Variants in IFT20 observed in about 807,000 individuals in gnomAD.
IFT20 encodes the protein intraflagellar transport 20.
Under a neutral mutation model 16.9 loss-of-function variants are expected in IFT20, and 4 were observed. The observed-to-expected ratio is 0.24, with a 90% CI of 0.12 to 0.54. The LOEUF (loss-of-function observed/expected upper bound fraction) is 0.54, where lower values mean the gene tolerates loss of function less well. Ranked by LOEUF, IFT20 falls within the 20% of genes least tolerant of loss-of-function variation. The pLI, the probability that IFT20 is intolerant of heterozygous loss-of-function variation, is 0.95. For synonymous variants in IFT20, 48 were observed against 49.9 expected, an observed-to-expected ratio of 0.96 and a Z score of 0.16; for missense variants, 154 against 149.7, an observed-to-expected ratio of 1.03 and a Z score of -0.15.
intron 2 of IFT20, 149 bp downstream of exon 2, chr17:28,331,709 AC>A: frequency 1.1e-6 from 1 of 907,150 alleles, no homozygotes; most frequent in South Asian, 1.5e-5. Flanking sequence ...AAGAGGGCAG[AC>A]AGAAAAGGGT....
At chr17:28,333,959 G>A (rs1178553800) in intron 1 of IFT20, among the ~76,000 whole-genome samples, 3 of 151,928 alleles carry the variant, frequency 2.0e-5, no homozygotes, top group Non-Finnish European at 2.9e-5. Flanking sequence ...TCTGTCTTTC[G>A]CAGCTACAGG....
In IFT20 at chr17:28,328,463, A is replaced by G. The variant is rs1555575863; in HGVS notation, c.*189T>C. 2 of 584,946 alleles carry G rather than the reference A, an allele frequency of 3.4e-6. No individual in the cohort carries two copies. The highest frequency in any genetic ancestry group is 3.8e-5 in the African/African-American group (2 of 52,508). The allele number at this position is 584,946 out of a possible 1,614,324, so 36.2% of individuals were successfully genotyped here. ...CGTACACTGCAGGGCCACCAGCAGC[A>G]GCTGTGCACTGATGTTAAAACTGGC... On this transcript the variant is annotated 3_prime_UTR_variant, in exon 5 of 5. Coordinates refer to ENST00000395418, the MANE Select transcript of IFT20 (RefSeq NM_001267776.2).
At chr17:28,330,088 C>T (rs1906646646) in intron 3 of IFT20, 2 of 554,412 alleles carry the variant, frequency 3.6e-6, no homozygotes, top group Non-Finnish European at 6.3e-6. Context: ...ACAAAAACCT[C>T]AGCTGGGTGT....
At position 28,328,702 on chromosome 17, in the gene IFT20, C is replaced by G; in HGVS notation, c.349G>C (p.Val117Leu). 1 of 1,603,978 alleles carries G rather than the reference C, an allele frequency of 6.2e-7. No homozygotes were observed. The highest frequency in any genetic ancestry group is 8.5e-7 in the Non-Finnish European group (1 of 1,176,202). The change falls in exon 5 of 5, where the codon GTA becomes CTA. Residue 117 changes from valine (V) to leucine (L), a missense_variant. Transcript: ENST00000395418. The part of the protein sequence containing the change: ...YRVEYEALCK[V>L]EAEQNEFIDQ... ...ATAAATTCATTTTGTTCTGCTTCTA[C>G]TTTACACAAAGCTTCATATTCAACC...
chr17:28,329,230 T>C lies in IFT20; in HGVS notation c.260A>G (p.Glu87Gly). Residue 87 changes from glutamate to glycine, a missense_variant, in exon 4 of 5, where the codon GAA becomes GGA. Transcript: ENST00000395418. ...GGCTTGAAGTTGCTGCTGTTGAGCT[T>C]CTCTCTGCTTTGCTATAGATTTGAG... is the stretch of plus-strand genomic sequence containing the variant. ...NLLKSIAKQREAQQQQLQALI... is the reference protein window; with the variant it reads ...NLLKSIAKQRGAQQQQLQALI... 6.2e-7 allele frequency: 1 copy of C among 1,614,202 alleles called. No individual in the cohort carries two copies. Among genetic ancestry groups the C allele is most frequent in the Non-Finnish European group, 8.5e-7 (1 of 1,180,038 alleles).
chr17:28,330,160 TGA>T (rs1187301127), intron 3 of IFT20: 1 of 623,200 alleles, frequency 1.6e-6, no homozygotes, highest in African/African-American at 1.9e-5. Flanking sequence ...CGCTTGAATC[TGA>T]GAGGCAGAGC....
At chr17:28,334,072 A>C (rs1358998856) in intron 1 of IFT20, among the ~76,000 whole-genome samples, 2 of 152,248 alleles carry the variant, frequency 1.3e-5, no homozygotes, top group Non-Finnish European at 2.9e-5. Context: ...ATTTATTCAG[A>C]AACATCCACT....
At chr17:28,328,999 T>C (rs778888133) in intron 4 of IFT20, 174 bp downstream of exon 4, 12 of 625,944 alleles carry the variant, frequency 1.9e-5, no homozygotes, top group Non-Finnish European at 2.8e-5. Flanking sequence ...AAGTTTTCTA[T>C]TTCCTTCCCA....
intron 2 of IFT20, 40 bp downstream of exon 2, chr17:28,331,819 A>C: frequency 6.2e-7 from 1 of 1,612,342 alleles, no homozygotes; most frequent in Non-Finnish European, 8.5e-7. Context: ...TTGAAATGGC[A>C]GCTCAAAGCT....
intron 3 of IFT20, 52 bp from the exon 4 acceptor site, chr17:28,329,328 C>G: frequency 7.0e-7 from 1 of 1,424,790 alleles, no homozygotes; most frequent in Non-Finnish European, 9.8e-7. Context: ...TCTACAGCAT[C>G]AAGTCCTCAA....
At position 28,328,682 on chromosome 17, in the gene IFT20, T is replaced by C. The variant is rs11871371; in HGVS notation, c.369A>G (p.Glu123=). ...ALCKVEAEQN[E]FIDQFIFQK ...TCTGAAAAATAAATTGGTCAATAAA[T>C]TCATTTTGTTCTGCTTCTACTTTAC... Residue 123 remains glutamate, a synonymous_variant, in exon 5 of 5, where the codon GAA becomes GAG. Transcript: ENST00000395418. 8.7e-4 allele frequency: 1,403 copies of C among 1,606,658 alleles called. 11 individuals are homozygous for C. In the African/African-American group the frequency reaches 0.017, roughly 19 times the overall value.
Position 28,328,751 on chromosome 17 carries a change from T to A in IFT20, c.318-18A>T. The A allele has an allele frequency of 6.9e-7, 1 of 1,453,728 alleles. No individual in the cohort carries two copies. Among genetic ancestry groups the A allele is most frequent in the South Asian group, 1.2e-5 (1 of 84,074 alleles). The allele number at this position is 1,453,728 out of a possible 1,614,324, so 90.1% of individuals were successfully genotyped here. A position where few individuals can be genotyped will look rare whatever the true frequency, so the allele number is the denominator to read the frequency against. ...CCCGATACCTGAAAAACAAAATTGT[T>A]AGAGGCCCTGAAAAAAAGATGAAGT... On this transcript the variant is annotated intron_variant, in intron 4 of 4. Coordinates refer to ENST00000395418, the MANE Select transcript of IFT20 (RefSeq NM_001267776.2).
At chr17:28,333,072 AACACACACAC>A (rs56753724) in intron 1 of IFT20, among the ~76,000 whole-genome samples, 9 of 144,580 alleles carry the variant, frequency 6.2e-5, no homozygotes, top group South Asian at 4.5e-4. Flanking sequence ...TCTGGCTCAA[AACACACACAC>A]ACACACACAC....
Position 28,328,687 on chromosome 17 carries a change from T to C in IFT20, c.364A>G (p.Asn122Asp). 6.2e-7 allele frequency: 1 copy of C among 1,606,382 alleles called. No homozygotes were observed. The change falls in exon 5 of 5, where the codon AAT becomes GAT. Residue 122 changes from asparagine to aspartate, a missense_variant. By Grantham distance (23) the Asn-to-Asp change is conservative (BLOSUM62 1). Coordinates refer to ENST00000395418, the MANE Select transcript of IFT20 (RefSeq NM_001267776.2). ...AAAATAAATTGGTCAATAAATTCAT[T>C]TTGTTCTGCTTCTACTTTACACAAA... Reference protein sequence around the residue: ...EALCKVEAEQNEFIDQFIFQK With the variant: ...EALCKVEAEQDEFIDQFIFQK
rs1555575919 is a variant in IFT20 at position 28,328,624 on chromosome 17, T to C, written c.*28A>G. On this transcript the variant is annotated 3_prime_UTR_variant, in exon 5 of 5. Transcript: ENST00000395418. ...TTGAGAGGCTTTTTTTTGTTTTGCC[T>C]TCCTACTATAAAAGCGAAATTTTCA... is the stretch of plus-strand genomic sequence containing the variant. 6.6e-7 allele frequency: 1 copy of C among 1,503,868 alleles called. No homozygotes were observed. The highest frequency in any genetic ancestry group is 1.4e-5 in the African/African-American group (1 of 71,612). 93.2% of individuals were successfully genotyped at this position (1,503,868 alleles called of 1,614,324 possible).
chr17:28,332,072 T>G, intron 1 of IFT20, 85 bp from the exon 2 acceptor site: 2 of 1,610,606 alleles, frequency 1.2e-6, no homozygotes, highest in Non-Finnish European at 1.7e-6. Flanking sequence ...CTCCTGCCCT[T>G]GGACACCAAT....
At chr17:28,331,141 C>T (rs1906748312) in intron 2 of IFT20, among the ~76,000 whole-genome samples, 1 of 152,216 alleles carries the variant, frequency 6.6e-6, no homozygotes, top group Non-Finnish European at 1.5e-5. Flanking sequence ...AAAGCAAGCT[C>T]ACAGCATTAA....
At chr17:28,329,376 A>G (rs1906577578) in intron 3 of IFT20, 100 bp from the exon 4 acceptor site, 1 of 880,894 alleles carries the variant, frequency 1.1e-6, no homozygotes, top group South Asian at 1.5e-5. Context: ...GTCAGTCTTC[A>G]GAGAGGAAAA....
chr17:28,330,420 G>A (rs1394428833), intron 3 of IFT20, 23 bp downstream of exon 3: 9 of 1,565,844 alleles, frequency 5.7e-6, no homozygotes, highest in African/African-American at 1.4e-5. Context: ...CCAAGATGTA[G>A]GCGGAAGACA....
Sources: gnomAD v4.1 joint callset for allele counts (sites outside exome capture counted in the v4.1 genomes callset) on GRCh38, gnomAD v4.1.1 for gene constraint, MANE v1.5 for transcripts, NCBI Gene and HGNC (gene_info 2026-07-23, HGNC 2026-07-21) for gene names.